REPS2: variants seen among roughly 807,000 people sequenced by gnomAD.
REPS2 encodes ralBP1-associated Eps domain-containing protein 2.
Under a neutral mutation model 53.6 loss-of-function variants are expected in REPS2, and 23 were observed. The observed-to-expected ratio is 0.43, with a 90% CI of 0.31 to 0.61. The LOEUF (loss-of-function observed/expected upper bound fraction) is 0.61. Ranked by LOEUF, REPS2 falls within the 20% of genes least tolerant of loss-of-function variation. The pLI, the probability that REPS2 is intolerant of heterozygous loss-of-function variation, is 0.11. For missense variants in REPS2, 446 were observed against 534.9 expected (o/e 0.83, Z 1.64); for synonymous variants, 238 against 218.6 (o/e 1.09, Z -0.78).
the REPS2 span, among the ~76,000 whole-genome samples, chrX:17,174,804 C>CGCT: frequency 1.6e-4 from 18 of 112,514 alleles, no homozygotes; most frequent in East Asian, 5.6e-4. Context: ...CTGCCGCCGC[C>CGCT]GCTGCTGCTG....
downstream of REPS2, among the ~76,000 whole-genome samples, chrX:17,157,019 G>T (rs775835654): frequency 7.2e-5 from 8 of 111,285 alleles, no homozygotes; most frequent in African/African-American, 2.3e-4. Flanking sequence ...TTTACATGAG[G>T]CATTTGTGTG....
chrX:17,057,685 C>T (rs1270576533), intron 8 of REPS2, among the ~76,000 whole-genome samples: 1 of 112,725 alleles, frequency 8.9e-6, no homozygotes, highest in Non-Finnish European at 1.9e-5. Context: ...CTTTCTGTCT[C>T]CATTTCATTC....
intron 2 of REPS2, among the ~76,000 whole-genome samples, chrX:17,020,351 G>A (rs761432022): frequency 8.9e-6 from 1 of 111,859 alleles, no homozygotes; most frequent in South Asian, 3.7e-4. Context: ...GTAGATCAGG[G>A]TGCAAATTAT....
In REPS2 at chrX:16,999,368, ATTTTTTTTTTT is replaced by A. The variant is rs1162932789; in HGVS notation, c.274-6839_274-6829del. 4.8e-5 allele frequency among the ~76,000 whole-genome samples: 3 copies of A among 62,745 alleles called. No homozygotes were observed. In the East Asian group the frequency reaches 1.5e-3, roughly 32 times the overall value. The allele number at this position is 62,745 out of a possible 115,157, so 54.5% of individuals were successfully genotyped here. ...TTTGCTTCCACTAGTGATGTTCCTG[ATTTTTTTTTTT>A]TTTTTTTTTTTTTGCACAGAGTCTT... On this transcript the variant is annotated intron_variant, in intron 1 of 17. Coordinates refer to ENST00000357277, the MANE Select transcript of REPS2 (RefSeq NM_004726.3).
chrX:17,119,868 CTTTTT>C (rs35141257), intron 14 of REPS2, among the ~76,000 whole-genome samples: 5 of 40,514 alleles, frequency 1.2e-4, no homozygotes, highest in African/African-American at 6.0e-4. Context: ...CGCACTGTGA[CTTTTT>C]TTTTTTTTTT....
intron 2 of REPS2, among the ~76,000 whole-genome samples, chrX:17,016,867 T>G (rs1185480087): frequency 2.0e-5 from 2 of 102,002 alleles, no homozygotes; most frequent in Non-Finnish European, 3.9e-5. Flanking sequence ...CCAAGATAAA[T>G]AAATTCATGT....
At chrX:17,124,787 A>G (rs1455575060) in intron 14 of REPS2, among the ~76,000 whole-genome samples, 2 of 108,903 alleles carry the variant, frequency 1.8e-5, no homozygotes, top group African/African-American at 3.4e-5. Flanking sequence ...TGACCTGCCA[A>G]TATTGCAAAC....
At chrX:17,158,126 C>T (rs761092921), downstream of REPS2, among the ~76,000 whole-genome samples, 26 of 112,163 alleles carry the variant, frequency 2.3e-4, no homozygotes, top group South Asian at 3.7e-3. Flanking sequence ...TACATACACA[C>T]GTGCACCAAA....
rs143053172 is a variant in REPS2, at chrX:16,981,227, A to G, written c.274-24994A>G. 4.9e-3 allele frequency among the ~76,000 whole-genome samples: 544 copies of G among 111,630 alleles called. 5 individuals carry two copies. Among genetic ancestry groups the G allele is most frequent in the African/African-American group, 0.016 (501 of 30,724 alleles). ...AGTACTCCATGGAGCAGATGTGGGA[A>G]CTTGGATGCCTGATGGGAATTGTAA... On this transcript the variant is annotated intron_variant, in intron 1 of 17. Transcript: ENST00000357277.
chrX:17,006,127 CT>C, intron 1 of REPS2, 93 bp from the exon 2 acceptor site: 1 of 1,039,358 alleles, frequency 9.6e-7, no homozygotes, highest in South Asian at 2.3e-5. Flanking sequence ...TGGTTAGCCA[CT>C]AGGTGAAATC....
At chrX:17,020,080 T>C (rs966482547) in intron 2 of REPS2, among the ~76,000 whole-genome samples, 6 of 111,955 alleles carry the variant, frequency 5.4e-5, no homozygotes, top group African/African-American at 1.6e-4. Context: ...AGAGGTGGTT[T>C]TCTAGGCACA....
intron 8 of REPS2, among the ~76,000 whole-genome samples, chrX:17,061,814 G>A (rs999320141): frequency 1.6e-4 from 18 of 112,230 alleles, no homozygotes; most frequent in Non-Finnish European, 3.2e-4. Context: ...CTCAACTACC[G>A]AAATAACAGC....
chrX:17,101,323 A>C (rs1275041493), intron 13 of REPS2, among the ~76,000 whole-genome samples: 1 of 110,398 alleles, frequency 9.1e-6, no homozygotes, highest in Non-Finnish European at 1.9e-5. Context: ...TGGCCTCCCA[A>C]AGTGCTGGGA....
At chrX:17,052,880 G>C (rs1422061866) in intron 7 of REPS2, among the ~76,000 whole-genome samples, 1 of 111,869 alleles carries the variant, frequency 8.9e-6, no homozygotes, top group African/African-American at 3.3e-5. Context: ...AGTTAGGTTA[G>C]ATTTGACTAT....
chrX:17,099,664 C>T, intron 13 of REPS2: 1 of 430,082 alleles, frequency 2.3e-6, no homozygotes, highest in Non-Finnish European at 4.1e-6. Context: ...GATACTGGCT[C>T]TTCAAAGGGC....
At chrX:17,079,884 A>G in intron 13 of REPS2, among the ~76,000 whole-genome samples, 1 of 112,509 alleles carries the variant, frequency 8.9e-6, no homozygotes, top group Middle Eastern at 4.6e-3. Flanking sequence ...GTCTGTCTAA[A>G]TTATATAAAA....
intron 9 of REPS2, among the ~76,000 whole-genome samples, chrX:17,065,330 G>C (rs1283189084): frequency 8.9e-6 from 1 of 112,404 alleles, no homozygotes; most frequent in Non-Finnish European, 1.9e-5. Flanking sequence ...GAATGAAGTG[G>C]TATCTCATTG....
At chrX:16,981,751 C>T (rs1420403769) in intron 1 of REPS2, among the ~76,000 whole-genome samples, 1 of 112,132 alleles carries the variant, frequency 8.9e-6, no homozygotes, top group Non-Finnish European at 1.9e-5. Flanking sequence ...AGGATGACAA[C>T]AAAAACCAGA....
chrX:17,026,074 A>T (rs2061642120), intron 4 of REPS2, among the ~76,000 whole-genome samples: 1 of 111,848 alleles, frequency 8.9e-6, no homozygotes, highest in Non-Finnish European at 1.9e-5. Flanking sequence ...AGAGGCTGTA[A>T]TCTTGCAGAG....
Sources: allele counts gnomAD v4.1 joint callset (sites outside exome capture counted in the v4.1 genomes callset), GRCh38; gene constraint gnomAD v4.1.1; transcripts MANE v1.5; gene names NCBI Gene and HGNC (gene_info 2026-07-23, HGNC 2026-07-21).